PPP1R9A: variants seen among roughly 807,000 people sequenced by gnomAD.
PPP1R9A encodes neurabin-1.
A neutral mutation model predicts 141.9 loss-of-function variants in PPP1R9A; 59 were observed. That is an observed-to-expected ratio of 0.42 (90% CI 0.34 to 0.52). The LOEUF (loss-of-function observed/expected upper bound fraction) is 0.52, where lower values mean the gene tolerates loss of function less well. Ranked by LOEUF, PPP1R9A falls within the 20% of genes least tolerant of loss-of-function variation. The pLI, the probability that PPP1R9A is intolerant of heterozygous loss-of-function variation, is 0.10. For missense variants in PPP1R9A, 1,444 were observed against 1,611.9 expected, an observed-to-expected ratio of 0.90 and a Z score of 1.78; for synonymous variants, 500 against 569.7, an observed-to-expected ratio of 0.88 and a Z score of 1.74.
intron 16 of PPP1R9A, 98 bp downstream of exon 16, chr7:95,274,266 C>T: frequency 8.9e-7 from 1 of 1,126,542 alleles, no homozygotes; most frequent in Non-Finnish European, 1.2e-6. Context: ...TATCTTTGAG[C>T]TAAAGTGATA....
chr7:94,972,951 C>G (rs117788069), intron 2 of PPP1R9A, among the ~76,000 whole-genome samples: 2 of 152,228 alleles, frequency 1.3e-5, no homozygotes, highest in East Asian at 3.9e-4. Context: ...CATTCCATAA[C>G]AGTTATAAAG....
chr7:95,018,027 G>A (rs1371593722), intron 2 of PPP1R9A: 1 of 152,836 alleles, frequency 6.5e-6, no homozygotes, highest in Admixed American at 6.6e-5. Context: ...ATTATGTATG[G>A]GTTTTAAAGG....
At chr7:95,129,681 G>C (rs1239928049) in intron 4 of PPP1R9A, among the ~76,000 whole-genome samples, 1 of 152,208 alleles carries the variant, frequency 6.6e-6, no homozygotes, top group African/African-American at 2.4e-5. Flanking sequence ...GAATGGCTTT[G>C]ACCAAAATGC....
chr7:95,103,887 C>G (rs1230813001), intron 2 of PPP1R9A, among the ~76,000 whole-genome samples: 1 of 152,126 alleles, frequency 6.6e-6, no homozygotes, highest in Non-Finnish European at 1.5e-5. Flanking sequence ...GCTATATTGT[C>G]TATAATTTAA....
At chr7:95,264,775 G>T (rs1176015408) in intron 12 of PPP1R9A, among the ~76,000 whole-genome samples, 1 of 152,120 alleles carries the variant, frequency 6.6e-6, no homozygotes. Flanking sequence ...CTATTTCAGA[G>T]ACTGGAGGGT....
chr7:95,058,262 G>C (rs899946727), intron 2 of PPP1R9A, among the ~76,000 whole-genome samples: 1 of 152,302 alleles, frequency 6.6e-6, no homozygotes, highest in South Asian at 2.1e-4. Flanking sequence ...ACTATTTACA[G>C]ATCCCTTACT....
intron 2 of PPP1R9A, among the ~76,000 whole-genome samples, chr7:95,023,171 A>G (rs1806251978): frequency 2.0e-5 from 3 of 152,158 alleles, no homozygotes; most frequent in Admixed American, 6.5e-5. Context: ...TTATTGGTCT[A>G]TTCAGTGATT....
chr7:95,282,614 G>T (rs909311633), intron 16 of PPP1R9A, among the ~76,000 whole-genome samples: 2 of 152,154 alleles, frequency 1.3e-5, no homozygotes, highest in African/African-American at 4.8e-5. Flanking sequence ...CCTCCCCAGA[G>T]GCTGCAGAGG....
At chr7:95,079,155 T>G (rs1815361368) in intron 2 of PPP1R9A, among the ~76,000 whole-genome samples, 1 of 152,254 alleles carries the variant, frequency 6.6e-6, no homozygotes, top group Admixed American at 6.5e-5. Flanking sequence ...AATTAATTTT[T>G]GTATAAGGTG....
At chr7:94,953,541 A>G (rs1278443228) in intron 2 of PPP1R9A, among the ~76,000 whole-genome samples, 1 of 152,128 alleles carries the variant, frequency 6.6e-6, no homozygotes, top group Non-Finnish European at 1.5e-5. Flanking sequence ...TCTGTAAATT[A>G]CTTTGGGCAG....
chr7:95,233,373 G>C (rs1390391783), intron 8 of PPP1R9A, among the ~76,000 whole-genome samples: 2 of 151,890 alleles, frequency 1.3e-5, no homozygotes, highest in Admixed American at 1.3e-4. Flanking sequence ...CTGTCAGGGG[G>C]TGGGGGGCAA....
chr7:95,289,580 C>G (rs1806019357), intron 19 of PPP1R9A, among the ~76,000 whole-genome samples: 1 of 152,152 alleles, frequency 6.6e-6, no homozygotes, highest in African/African-American at 2.4e-5. Context: ...ATAGGTCTGC[C>G]TACAGGGAAA....
intron 5 of PPP1R9A, among the ~76,000 whole-genome samples, chr7:95,186,443 C>T (rs905428198): frequency 3.9e-5 from 6 of 152,022 alleles, no homozygotes; most frequent in African/African-American, 1.2e-4. Flanking sequence ...TCTAGGTAAA[C>T]GATCATATCA....
intron 16 of PPP1R9A, among the ~76,000 whole-genome samples, chr7:95,280,921 A>G (rs1209272037): frequency 6.6e-6 from 1 of 152,220 alleles, no homozygotes; most frequent in Non-Finnish European, 1.5e-5. Flanking sequence ...GAAATAGACT[A>G]TAAGAGTGGT....
intron 3 of PPP1R9A, among the ~76,000 whole-genome samples, chr7:95,116,464 G>T (rs1006503115): frequency 1.3e-5 from 2 of 151,810 alleles, no homozygotes; most frequent in Admixed American, 1.3e-4. Context: ...ATGAAAATGG[G>T]AAAAATATTT....
intron 16 of PPP1R9A, among the ~76,000 whole-genome samples, chr7:95,280,100 G>T (rs1803907095): frequency 6.6e-6 from 1 of 152,094 alleles, no homozygotes; most frequent in South Asian, 2.1e-4. Flanking sequence ...AGATGGACAT[G>T]TTTCTCACAG....
intron 4 of PPP1R9A, among the ~76,000 whole-genome samples, chr7:95,139,339 G>A (rs1456383463): frequency 6.6e-6 from 1 of 152,110 alleles, no homozygotes; most frequent in Non-Finnish European, 1.5e-5. Context: ...GAACAGTATG[G>A]AGGAAAACCA....
chr7:95,084,457 A>G (rs1816335380), intron 2 of PPP1R9A, among the ~76,000 whole-genome samples: 1 of 151,984 alleles, frequency 6.6e-6, no homozygotes, highest in Non-Finnish European at 1.5e-5. Context: ...GGTACCCACC[A>G]TTTAGCTTTG....
Position 95,145,283 on chromosome 7 carries a change from T to A in PPP1R9A, c.1650-16584T>A, listed in dbSNP as rs6977596. 9.7e-3 allele frequency among the ~76,000 whole-genome samples: 1,472 copies of A among 152,292 alleles called. 28 individuals are homozygous for A. The highest frequency in any genetic ancestry group is 0.033 in the African/African-American group (1,383 of 41,558). On this transcript the variant is annotated intron_variant, in intron 4 of 19. Transcript: ENST00000433360. ...TAAGATAAAACAGAAAAGAGTACCT[T>A]CTCACCTTTTCATCACTGATGCTGT...
Sources: gnomAD v4.1 joint callset for allele counts (sites outside exome capture counted in the v4.1 genomes callset) on GRCh38, gnomAD v4.1.1 for gene constraint, MANE v1.5 for transcripts, NCBI Gene and HGNC (gene_info 2026-07-23, HGNC 2026-07-21) for gene names.